Variants in ZNF362 observed in about 807,000 individuals in gnomAD.
ZNF362 encodes rotund homolog.
A neutral mutation model predicts 42.9 loss-of-function variants in ZNF362; 11 were observed. The ratio of observed to expected loss-of-function variants is 0.26; its 90% CI spans 0.16 to 0.42. The LOEUF (loss-of-function observed/expected upper bound fraction) is 0.42. Ranked by LOEUF, ZNF362 falls within the 20% of genes least tolerant of loss-of-function variation. The pLI is 1.00. For missense variants in ZNF362, 362 were observed against 576.2 expected (o/e 0.63, Z 3.81); for synonymous variants, 255 against 257.3 (o/e 0.99, Z 0.09).
chr1:33,169,868 C>T, the ZNF362 span, among the ~76,000 whole-genome samples: 3 of 152,242 alleles, frequency 2.0e-5, no homozygotes, highest in African/African-American at 4.8e-5. Flanking sequence ...TGCAGACACA[C>T]TGAGCAGCTC....
chr1:33,192,827 T>G, the ZNF362 span, among the ~76,000 whole-genome samples: 1 of 152,084 alleles, frequency 6.6e-6, no homozygotes, highest in Non-Finnish European at 1.5e-5. Context: ...GTACATTCCC[T>G]GAATGAAGGG....
At chr1:33,163,486 GA>G in the ZNF362 span, 1 of 152,368 alleles carries the variant, frequency 6.6e-6, no homozygotes, top group South Asian at 2.1e-4. Flanking sequence ...TCAGCACAGA[GA>G]AAAGTTCTGC....
the ZNF362 span, among the ~76,000 whole-genome samples, chr1:33,161,503 C>G: frequency 6.6e-6 from 1 of 152,170 alleles, no homozygotes; most frequent in African/African-American, 2.4e-5. The surrounding 1 kb of genome is among the most constrained non-coding windows in gnomAD (Gnocchi z 4.3). Flanking sequence ...GTTCCCTCCC[C>G]GACGCGCGGC....
At chr1:33,181,109 CGCGCGGTCCG>C in the ZNF362 span, 4 of 1,599,966 alleles carry the variant, frequency 2.5e-6, no homozygotes, top group Non-Finnish European at 2.5e-6. The surrounding 1 kb of genome is among the most constrained non-coding windows in gnomAD (Gnocchi z 6.5). Context: ...AGCAGAGAAG[CGCGCGGTCCG>C]TGAGGCAGAA....
the ZNF362 span, among the ~76,000 whole-genome samples, chr1:33,186,004 GA>G: frequency 6.6e-6 from 1 of 152,116 alleles, no homozygotes; most frequent in East Asian, 1.9e-4. Context: ...TTTGTAATCA[GA>G]AAAAATAAAG....
the ZNF362 span, among the ~76,000 whole-genome samples, chr1:33,202,865 A>G: frequency 6.6e-6 from 1 of 152,168 alleles, no homozygotes; most frequent in Non-Finnish European, 1.5e-5. Context: ...TTTATTGTAT[A>G]TATTTAAGGT....
At chr1:33,175,321 C>T in the ZNF362 span, among the ~76,000 whole-genome samples, 1 of 151,894 alleles carries the variant, frequency 6.6e-6, no homozygotes, top group South Asian at 2.1e-4. Flanking sequence ...GGATTACAGG[C>T]GTGGGCCACT....
At chr1:33,180,490 G>A in the ZNF362 span, among the ~76,000 whole-genome samples, 1 of 152,040 alleles carries the variant, frequency 6.6e-6, no homozygotes, top group Non-Finnish European at 1.5e-5. Flanking sequence ...ACCCTCACCT[G>A]TCCAGCACAT....
the ZNF362 span, among the ~76,000 whole-genome samples, chr1:33,139,287 T>C: frequency 1.3e-5 from 2 of 152,162 alleles, no homozygotes; most frequent in Non-Finnish European, 2.9e-5. Context: ...CCTCCCATCT[T>C]GGAGATGGGG....
At chr1:33,230,959 G>C in the ZNF362 span, among the ~76,000 whole-genome samples, 1 of 152,224 alleles carries the variant, frequency 6.6e-6, no homozygotes, top group African/African-American at 2.4e-5. Flanking sequence ...CAAGAAGAAT[G>C]ACTTTGCAGT....
intron 4 of ZNF362, among the ~76,000 whole-genome samples, chr1:33,279,318 C>T (rs986948774): frequency 6.6e-6 from 1 of 152,180 alleles, no homozygotes; most frequent in Admixed American, 6.5e-5. Context: ...AGCCGCCGTG[C>T]TTGGCCATGT....
At chr1:33,283,771 T>C (rs1394677921) in intron 6 of ZNF362, among the ~76,000 whole-genome samples, 1 of 152,222 alleles carries the variant, frequency 6.6e-6, no homozygotes, top group East Asian at 1.9e-4. Flanking sequence ...CAGTCTGTTT[T>C]CTCGTTACCA....
intron 4 of ZNF362, among the ~76,000 whole-genome samples, 161 bp downstream of exon 4, chr1:33,276,755 C>T (rs915045997): frequency 3.9e-5 from 6 of 152,170 alleles, no homozygotes; most frequent in African/African-American, 1.2e-4. Context: ...TTGGCCACGA[C>T]GAGCCACAGC....
At chr1:33,258,843 A>G (rs1645811371) in intron 1 of ZNF362, among the ~76,000 whole-genome samples, 1 of 152,216 alleles carries the variant, frequency 6.6e-6, no homozygotes, top group Non-Finnish European at 1.5e-5. Context: ...AAATTGTCCT[A>G]ATGGGGATTA....
chr1:33,257,769 G>A (rs926971980), intron 1 of ZNF362, among the ~76,000 whole-genome samples: 1 of 152,172 alleles, frequency 6.6e-6, no homozygotes, highest in African/African-American at 2.4e-5. Context: ...CCACCACCCT[G>A]CCCTCGAGCA....
chr1:33,233,672 G>A, the ZNF362 span, among the ~76,000 whole-genome samples: 1 of 152,054 alleles, frequency 6.6e-6, no homozygotes, highest in African/African-American at 2.4e-5. Flanking sequence ...CCAAAGTGTT[G>A]GAATTACAGG....
the ZNF362 span, among the ~76,000 whole-genome samples, chr1:33,209,199 T>C: frequency 2.0e-5 from 3 of 152,226 alleles, no homozygotes; most frequent in African/African-American, 7.2e-5. Context: ...TGTCGTTGGT[T>C]CTGTTTATGT....
rs1230043704 is a variant in ZNF362, at chr1:33,280,139, C to T, written c.365C>T (p.Thr122Ile). ...GTCTTCGCAGGTCTGGGGCTGTCCA[C>T]CCGGACCCCGTCTGTGAGCACTTCT... ...TSTVTGLGLS[T>I]RTPSVSTSES... The change falls in exon 5 of 9, where the codon ACC becomes ATC. Residue 122 changes from threonine to isoleucine, a missense_variant. Coordinates refer to ENST00000539719, the MANE Select transcript of ZNF362 (RefSeq NM_152493.3). This position sits in a 1 kb window ranked among gnomAD's most constrained non-coding sequence, Gnocchi z 5.6. 4 of 1,581,096 alleles carry T rather than the reference C, an allele frequency of 2.5e-6. No individual in the cohort carries two copies. Among genetic ancestry groups the T allele is most frequent in the Non-Finnish European group, 3.5e-6 (4 of 1,159,128 alleles).
chr1:33,189,671 A>ACG, the ZNF362 span, among the ~76,000 whole-genome samples: 22 of 105,042 alleles, frequency 2.1e-4, no homozygotes, highest in East Asian at 2.9e-3. Flanking sequence ...ATATATATAT[A>ACG]TGTATATATA....
Sources: allele counts gnomAD v4.1 joint callset (sites outside exome capture counted in the v4.1 genomes callset), GRCh38; gene constraint gnomAD v4.1.1; non-coding constraint Gnocchi (gnomAD v3.1); transcripts MANE v1.5; gene names NCBI Gene and HGNC (gene_info 2026-07-23, HGNC 2026-07-21).